The following SLC35D4 variants were observed in gnomAD, a reference collection of about 807,000 sequenced individuals.
The protein encoded by SLC35D4 is UDP-N-acetylglucosamine transporter SLC35D4.
chr18:23,394,983 CAAA>C, the SLC35D4 span, among the ~76,000 whole-genome samples: 12 of 54,462 alleles, frequency 2.2e-4, no homozygotes, highest in African/African-American at 7.7e-4. Flanking sequence ...AACTCCATCT[CAAA>C]AAAAAAAAAA....
At chr18:23,337,757 C>T in the SLC35D4 span, among the ~76,000 whole-genome samples, 2 of 152,182 alleles carry the variant, frequency 1.3e-5, no homozygotes, top group African/African-American at 2.4e-5. Context: ...GATCAAGACA[C>T]ATGTCAATGT....
At chr18:23,275,640 T>C in the SLC35D4 span, among the ~76,000 whole-genome samples, 3,612 of 150,338 alleles carry the variant, frequency 0.024, 61 homozygotes, top group Middle Eastern at 0.051. Flanking sequence ...TGCTGTGCTG[T>C]GCTGTGCTGT....
At chr18:23,414,187 G>A in the SLC35D4 span, among the ~76,000 whole-genome samples, 3 of 151,998 alleles carry the variant, frequency 2.0e-5, no homozygotes, top group Non-Finnish European at 4.4e-5. Context: ...CAGGGCAGCA[G>A]AGGTTGCAGT....
At chr18:23,363,264 A>G in the SLC35D4 span, among the ~76,000 whole-genome samples, 1 of 151,766 alleles carries the variant, frequency 6.6e-6, no homozygotes, top group Non-Finnish European at 1.5e-5. Flanking sequence ...AAAAAAAAAA[A>G]AAAAAAGAAT....
chr18:23,319,825 T>C, the SLC35D4 span, among the ~76,000 whole-genome samples: 14 of 152,372 alleles, frequency 9.2e-5, no homozygotes, highest in African/African-American at 3.4e-4. Flanking sequence ...TGTCTATGAG[T>C]ACTCATTGTT....
the SLC35D4 span, among the ~76,000 whole-genome samples, chr18:23,383,385 G>A: frequency 6.9e-6 from 1 of 145,750 alleles, no homozygotes; most frequent in African/African-American, 2.6e-5. Flanking sequence ...AACCAAGCAG[G>A]GAGGGGGCAT....
At chr18:23,418,989 C>T in the SLC35D4 span, among the ~76,000 whole-genome samples, 1 of 151,252 alleles carries the variant, frequency 6.6e-6, no homozygotes, top group East Asian at 2.0e-4. Flanking sequence ...GCCTGGGTGA[C>T]AGAGCGAGAC....
At chr18:23,243,467 T>A in the SLC35D4 span, among the ~76,000 whole-genome samples, 1 of 138,354 alleles carries the variant, frequency 7.2e-6, no homozygotes, top group African/African-American at 2.7e-5. Flanking sequence ...GTGGGTTTGG[T>A]GTTTTTTTTT....
the SLC35D4 span, among the ~76,000 whole-genome samples, chr18:23,314,287 A>G: frequency 6.6e-6 from 1 of 152,224 alleles, no homozygotes; most frequent in Non-Finnish European, 1.5e-5. Flanking sequence ...CTTGCTCCAC[A>G]GTTAATCAGT....
At chr18:23,413,954 A>AC in the SLC35D4 span, among the ~76,000 whole-genome samples, 2 of 34,518 alleles carry the variant, frequency 5.8e-5, no homozygotes, top group Admixed American at 9.2e-4. Context: ...AAAAAAAAAA[A>AC]TTAAAAAAAA....
chr18:23,298,085 A>C, the SLC35D4 span: 1 of 1,613,522 alleles, frequency 6.2e-7, no homozygotes, highest in Non-Finnish European at 8.5e-7. Flanking sequence ...CAACAGCAGA[A>C]GGTCAGCTCT....
At chr18:23,364,418 C>T in the SLC35D4 span, among the ~76,000 whole-genome samples, 46 of 152,274 alleles carry the variant, frequency 3.0e-4, no homozygotes, top group Non-Finnish European at 1.5e-4. Context: ...CCACACTCCA[C>T]GAAGCCACAA....
chr18:23,248,876 C>G, the SLC35D4 span, among the ~76,000 whole-genome samples: 2 of 152,204 alleles, frequency 1.3e-5, no homozygotes, highest in Admixed American at 6.5e-5. Context: ...TTACTAGAAT[C>G]ATTGAGGAGG....
the SLC35D4 span, among the ~76,000 whole-genome samples, chr18:23,380,369 C>T: frequency 6.6e-6 from 1 of 152,168 alleles, no homozygotes; most frequent in South Asian, 2.1e-4. Context: ...CCCTTAGCCA[C>T]CACTTGATGC....
chr18:23,422,254 T>C, the SLC35D4 span, among the ~76,000 whole-genome samples: 10 of 152,080 alleles, frequency 6.6e-5, no homozygotes, highest in Middle Eastern at 3.4e-3. Context: ...TTGTGCCCAA[T>C]AGATACCGTT....
the SLC35D4 span, among the ~76,000 whole-genome samples, chr18:23,312,724 A>G: frequency 5.3e-5 from 8 of 152,054 alleles, no homozygotes; most frequent in Non-Finnish European, 8.8e-5. Context: ...TTACAAGCCT[A>G]TCTCCCCTCT....
the SLC35D4 span, among the ~76,000 whole-genome samples, chr18:23,290,793 A>T: frequency 2.8e-5 from 4 of 143,720 alleles, no homozygotes; most frequent in East Asian, 2.0e-4. Context: ...CACCCTGCTA[A>T]TTTTTTTTTT....
chr18:23,287,487 T>C, the SLC35D4 span, among the ~76,000 whole-genome samples: 2 of 152,216 alleles, frequency 1.3e-5, no homozygotes, highest in Non-Finnish European at 2.9e-5. Flanking sequence ...TATCTCAGCA[T>C]AATTTTCATA....
the SLC35D4 span, among the ~76,000 whole-genome samples, chr18:23,416,821 A>C: frequency 6.6e-6 from 1 of 152,246 alleles, no homozygotes; most frequent in Non-Finnish European, 1.5e-5. Context: ...CTAGCAGCAC[A>C]CTGTCAAGTC....
Sources: allele counts gnomAD v4.1 joint callset (sites outside exome capture counted in the v4.1 genomes callset), GRCh38; gene constraint gnomAD v4.1.1; transcripts MANE v1.5; gene names NCBI Gene and HGNC (gene_info 2026-07-23, HGNC 2026-07-21).